The following TFEC variants were observed in gnomAD, a reference collection of about 807,000 sequenced individuals.
TFEC encodes the protein class E basic helix-loop-helix protein 34.
TFEC carries 31 observed loss-of-function variants against 41.6 expected under a neutral mutation model. The observed-to-expected ratio is 0.74, with a 90% CI of 0.56 to 1.01. The LOEUF is 1.01. Ranked by LOEUF, TFEC falls within the 50% of genes least tolerant of loss-of-function variation. The pLI is 0.00. For missense variants in TFEC, 402 were observed against 404.1 expected (o/e 0.99, Z 0.04); for synonymous variants, 143 against 140.6 (o/e 1.02, Z -0.12).
At chr7:115,968,901 A>C (rs1192496204) in intron 3 of TFEC, among the ~76,000 whole-genome samples, 1 of 151,882 alleles carries the variant, frequency 6.6e-6, no homozygotes, top group African/African-American at 2.4e-5. Flanking sequence ...ATAGGCAATA[A>C]CAGTCTCTAT....
At chr7:115,959,240 C>A (rs1792401497) in intron 3 of TFEC, among the ~76,000 whole-genome samples, 1 of 151,570 alleles carries the variant, frequency 6.6e-6, no homozygotes, top group Non-Finnish European at 1.5e-5. Context: ...ATTATAAAAT[C>A]CAGTCAACAA....
chr7:116,120,261 C>T (rs1280825284), intron 1 of TFEC: 2 of 151,872 alleles, frequency 1.3e-5, no homozygotes, highest in East Asian at 1.9e-4. Flanking sequence ...ATAACCAAGA[C>T]TTCTCCCTCC....
intron 3 of TFEC, among the ~76,000 whole-genome samples, chr7:115,972,230 C>CA (rs1205521257): frequency 6.6e-6 from 1 of 152,044 alleles, no homozygotes; most frequent in Non-Finnish European, 1.5e-5. Flanking sequence ...AAAGGACTTC[C>CA]AAAAATTCTC....
intron 1 of TFEC, among the ~76,000 whole-genome samples, chr7:116,011,790 G>A (rs1411524944): frequency 1.3e-5 from 2 of 152,092 alleles, no homozygotes; most frequent in African/African-American, 4.8e-5. Flanking sequence ...ACGATAATGA[G>A]TGAGTTCTCA....
chr7:115,940,449 A>C lies in TFEC; in HGVS notation c.*102T>G. ...TTTTTCATGAACAACACATTCCTTT[A>C]AGAAAAAAAATAAGCCAAAGCAACA... On this transcript the variant is annotated 3_prime_UTR_variant, in exon 8 of 8. Coordinates refer to ENST00000265440, the MANE Select transcript of TFEC (RefSeq NM_012252.4). 1 of 1,310,234 alleles carries C rather than the reference A, an allele frequency of 7.6e-7. No individual in the cohort carries two copies. Among genetic ancestry groups the C allele is most frequent in the Non-Finnish European group, 1.0e-6 (1 of 976,104 alleles). The allele number at this position is 1,310,234 out of a possible 1,614,324, so 81.2% of individuals were successfully genotyped here.
At chr7:116,049,527 A>G (rs149533684) in intron 3 of TFEC, among the ~76,000 whole-genome samples, 1 of 152,152 alleles carries the variant, frequency 6.6e-6, no homozygotes, top group Non-Finnish European at 1.5e-5. Flanking sequence ...ACAAATAATA[A>G]TGGGAGACTT....
chr7:116,023,419 G>A (rs1006925786), intron 1 of TFEC, among the ~76,000 whole-genome samples: 1 of 152,174 alleles, frequency 6.6e-6, no homozygotes, highest in African/African-American at 2.4e-5. Context: ...CCTGAAAACT[G>A]AGAAACTATT....
chr7:115,940,998 C>T, intron 7 of TFEC, 67 bp from the exon 8 acceptor site: 1 of 1,403,312 alleles, frequency 7.1e-7, no homozygotes, highest in Non-Finnish European at 9.6e-7. Flanking sequence ...GAGAATAAGC[C>T]AGACATAGAA....
chr7:115,983,389 T>C (rs1280739133), intron 2 of TFEC, among the ~76,000 whole-genome samples: 1 of 152,174 alleles, frequency 6.6e-6, no homozygotes, highest in African/African-American at 2.4e-5. Flanking sequence ...TTCTGAGCAT[T>C]ATCCTTTTGT....
chr7:115,968,447 C>CAGAGACGAGGAATGAG, intron 3 of TFEC: 1 of 597,808 alleles, frequency 1.7e-6, no homozygotes, highest in Non-Finnish European at 2.6e-6. Flanking sequence ...TTACTCATTC[C>CAGAGACGAGGAATGAG]TCGTCTCTGG....
intron 1 of TFEC, among the ~76,000 whole-genome samples, chr7:116,005,546 A>C (rs1562928414): frequency 6.6e-6 from 1 of 152,236 alleles, no homozygotes; most frequent in Non-Finnish European, 1.5e-5. Context: ...GAAATTTCTA[A>C]GCAGCAAAGC....
At chr7:116,113,719 T>A (rs1797907997) in intron 1 of TFEC, among the ~76,000 whole-genome samples, 1 of 152,024 alleles carries the variant, frequency 6.6e-6, no homozygotes, top group Non-Finnish European at 1.5e-5. Flanking sequence ...AGCTCAATTA[T>A]TAGTTAGGTT....
intron 1 of TFEC, among the ~76,000 whole-genome samples, chr7:116,122,252 T>C (rs1328762162): frequency 6.6e-6 from 1 of 152,128 alleles, no homozygotes; most frequent in Non-Finnish European, 1.5e-5. Flanking sequence ...TTATGAACTG[T>C]GCTATTATTT....
intron 1 of TFEC, among the ~76,000 whole-genome samples, chr7:116,009,562 A>T (rs569251843): frequency 1.3e-5 from 2 of 152,244 alleles, no homozygotes; most frequent in East Asian, 3.9e-4. Flanking sequence ...CTCTTCAAAG[A>T]ATTCACAGTA....
chr7:116,151,456 T>G (rs1364099995), intron 1 of TFEC, among the ~76,000 whole-genome samples: 2 of 152,238 alleles, frequency 1.3e-5, no homozygotes, highest in South Asian at 2.1e-4. Flanking sequence ...TTGGCCAGGC[T>G]GGTCTTGAAC....
intron 3 of TFEC, among the ~76,000 whole-genome samples, chr7:116,097,581 G>A (rs937415526): frequency 3.3e-4 from 50 of 152,142 alleles, no homozygotes; most frequent in Admixed American, 2.0e-3. Context: ...ATAGTGTGGC[G>A]ATGCAGGACA....
chr7:115,984,507 C>T lies in TFEC; in HGVS notation c.-66G>A, dbSNP rs1394198165. Reference sequence around the variant, plus strand: ...GGCCTTGCAGAACTTTCCAGGTGTGCTGGGACCTACAAGATCAAAATTAAA... The same window carrying T: ...GGCCTTGCAGAACTTTCCAGGTGTGTTGGGACCTACAAGATCAAAATTAAA... On this transcript the variant is annotated 5_prime_UTR_variant, in exon 2 of 8. Transcript: ENST00000265440. 2 of 1,613,504 alleles carry T rather than the reference C, an allele frequency of 1.2e-6. No homozygotes were observed. The highest frequency in any genetic ancestry group is 1.7e-6 in the Non-Finnish European group (2 of 1,179,742).
chr7:116,070,141 T>C (rs1796792174), intron 3 of TFEC, among the ~76,000 whole-genome samples: 1 of 151,424 alleles, frequency 6.6e-6, no homozygotes, highest in Non-Finnish European at 1.5e-5. Context: ...TGTCTATATA[T>C]GTATATGTGT....
intron 3 of TFEC, among the ~76,000 whole-genome samples, chr7:116,083,918 C>G (rs1210317180): frequency 6.6e-6 from 1 of 151,758 alleles, no homozygotes; most frequent in Non-Finnish European, 1.5e-5. Flanking sequence ...GAACCTGAAC[C>G]CATTATTTTG....
Sources: gnomAD v4.1 joint callset for allele counts (sites outside exome capture counted in the v4.1 genomes callset) on GRCh38, gnomAD v4.1.1 for gene constraint, MANE v1.5 for transcripts, NCBI Gene and HGNC (gene_info 2026-07-23, HGNC 2026-07-21) for gene names.